The following UBE4B variants were observed in gnomAD, a reference collection of about 807,000 sequenced individuals.
UBE4B encodes the protein ubiquitination factor E4B, also known as ubiquitin conjugation factor E4 B.
A neutral mutation model predicts 148.1 loss-of-function variants in UBE4B; 27 were observed. That is an observed-to-expected ratio of 0.18 (90% confidence interval 0.13 to 0.25). UBE4B has a LOEUF of 0.25. UBE4B is among the 10% of genes least tolerant of loss of function. The pLI is 1.00. For missense variants in UBE4B, 1,170 were observed against 1,662.4 expected (o/e 0.70, Z 5.15); for synonymous variants, 596 against 619.3 (o/e 0.96, Z 0.56).
chr1:10,175,769 A>G (rs532731016), intron 25 of UBE4B, among the ~76,000 whole-genome samples: 1 of 152,356 alleles, frequency 6.6e-6, no homozygotes, highest in South Asian at 2.1e-4. Context: ...CTAACCTACC[A>G]GAATATGAGT....
intron 16 of UBE4B, among the ~76,000 whole-genome samples, chr1:10,135,940 A>C (rs887535750): frequency 3.3e-5 from 5 of 152,028 alleles, no homozygotes; most frequent in Admixed American, 6.6e-5. Context: ...CAATAATTCT[A>C]CTTTTCAGGT....
intron 9 of UBE4B, among the ~76,000 whole-genome samples, chr1:10,120,472 T>G (rs1645392078): frequency 1.3e-5 from 2 of 150,274 alleles, no homozygotes; most frequent in African/African-American, 4.9e-5. Context: ...GCAGCCGAGA[T>G]CGTGCCACTG....
intron 1 of UBE4B, among the ~76,000 whole-genome samples, chr1:10,046,244 C>CG (rs990368880): frequency 1.3e-5 from 2 of 152,160 alleles, no homozygotes; most frequent in African/African-American, 2.4e-5. Context: ...TTTTCTTGGG[C>CG]AGCCATGTGT....
chr1:10,180,048 G>A lies in UBE4B; in HGVS notation c.*92G>A. The stretch of plus-strand genomic sequence containing the variant: ...GCAGCGAAGCTGCCGTTCATGTGTT[G>A]GAGGCCAAATGTGGCAAACCAACCC... On this transcript the variant is annotated 3_prime_UTR_variant, in exon 28 of 28. Coordinates refer to ENST00000343090, the MANE Select transcript of UBE4B (RefSeq NM_001105562.3). 1 of 1,567,556 alleles carries A rather than the reference G, an allele frequency of 6.4e-7. No homozygotes were observed. The highest frequency in any genetic ancestry group is 8.7e-7 in the Non-Finnish European group (1 of 1,146,860).
rs749349715 is a variant in UBE4B, at chr1:10,121,991, C to T, written c.1469C>T (p.Pro490Leu). 3.1e-6 allele frequency: 5 copies of T among 1,613,274 alleles called. No homozygotes were observed. The South Asian group carries it at 3.3e-5, about 11-fold the overall frequency. Residue 490 changes from proline (P) to leucine (L), a missense_variant, in exon 10 of 28, where the codon CCG becomes CTG. By Grantham distance (98) the Pro-to-Leu change is moderately conservative. Around this residue, in one of 6 missense-constraint regions of UBE4B, gnomAD observed 388 missense variants for 536.0 expected, o/e 0.72. Coordinates refer to ENST00000343090, the MANE Select transcript of UBE4B (RefSeq NM_001105562.3). ...TTGCAGCAGCCGTCCTTCCTAGTGC[C>T]GTATATGCTGTGTAGGAATCTCCCA... ...RSLQQPSFLV[P>L]YMLCRNLPYG...
At chr1:10,047,743 C>T (rs554456637) in intron 1 of UBE4B, among the ~76,000 whole-genome samples, 186 of 152,230 alleles carry the variant, frequency 1.2e-3, no homozygotes, top group Admixed American at 2.6e-3. Flanking sequence ...CCACCCGCCT[C>T]GGCCTCCCAG....
At chr1:10,072,776 T>C in intron 2 of UBE4B, 5 of 303,126 alleles carry the variant, frequency 1.6e-5, no homozygotes, top group Non-Finnish European at 3.0e-5. Context: ...ATATTTCTCA[T>C]ACTGTGTATT....
chr1:10,146,880 C>T (rs1041262675), intron 18 of UBE4B, 83 bp from the exon 19 acceptor site: 5 of 1,540,960 alleles, frequency 3.2e-6, no homozygotes, highest in Non-Finnish European at 4.4e-6. Flanking sequence ...TTTCCCATCT[C>T]CTGGCCCCAG....
At chr1:10,112,088 G>A (rs1049629379) in intron 7 of UBE4B, among the ~76,000 whole-genome samples, 1 of 152,180 alleles carries the variant, frequency 6.6e-6, no homozygotes, top group Admixed American at 6.5e-5. Context: ...ATTTAAAATG[G>A]GATTCAGTCT....
In UBE4B at chr1:10,145,138, TTTC is replaced by T. The variant is rs1264452881; in HGVS notation, c.2463+102_2463+104del. 8.1e-6 allele frequency: 7 copies of T among 861,048 alleles called. No individual in the cohort carries two copies. The African/African-American group carries it at 1.2e-4, about 15-fold the overall frequency. 53.3% of individuals were successfully genotyped at this position (861,048 alleles called of 1,614,324 possible). On this transcript the variant is annotated intron_variant, in intron 18 of 27. Transcript: ENST00000343090. ...AGTGAGCAGTTTAGTGTCCTCACTT[TTTC>T]TTTGTTATTCTTTTCCCTTCCAATA...
At chr1:10,098,701 C>T (rs1345336381) in intron 3 of UBE4B, among the ~76,000 whole-genome samples, 1 of 152,148 alleles carries the variant, frequency 6.6e-6, no homozygotes, top group African/African-American at 2.4e-5. Context: ...CAGTGTTAAG[C>T]CTCTTAAGAT....
chr1:10,072,689 A>C, intron 2 of UBE4B: 4 of 510,780 alleles, frequency 7.8e-6, no homozygotes, highest in Non-Finnish European at 1.4e-5. Context: ...GAACTATCTC[A>C]TTAAAAAGTA....
At chr1:10,178,919 G>A in intron 26 of UBE4B, 101 bp downstream of exon 26, 1 of 1,254,700 alleles carries the variant, frequency 8.0e-7, no homozygotes, top group Non-Finnish European at 1.1e-6. Context: ...TTAATGGTGT[G>A]CTAGAGCTGC....
rs866108223 is a variant in UBE4B, at chr1:10,158,456, C to T, written c.3027C>T (p.His1009=). 1.2e-6 allele frequency: 2 copies of T among 1,614,146 alleles called. No homozygotes were observed. The highest frequency in any genetic ancestry group is 3.3e-5 in the Admixed American group (2 of 60,012). The change falls in exon 22 of 28, where the codon CAC becomes CAT. Residue 1009 remains histidine (H), a synonymous_variant. Transcript: ENST00000343090. ...IFKSLWQNIA[H]HGTFMEEFNS... is the part of the protein sequence containing the mutation. ...AAAGCCTTTGGCAAAACATAGCTCA[C>T]CATGGCACCTTTATGGAGGAGTTCA...
intron 7 of UBE4B, among the ~76,000 whole-genome samples, chr1:10,111,044 G>GACACACACACACACACACACACACAC (rs55936075): frequency 3.5e-5 from 4 of 113,444 alleles, no homozygotes; most frequent in East Asian, 2.5e-4. Context: ...CTCTGTCTCT[G>GACACACACACACACACACACACACAC]ACACACACAC....
rs550901625 is a variant in UBE4B at position 10,167,385 on chromosome 1, G to A, written c.3199-751G>A. ...ACCTGGGAGGCGGAGGTTCCGGTGA[G>A]CCGAGATCGCGCCATTGCACTCCAG... On this transcript the variant is annotated intron_variant, in intron 23 of 27. Coordinates refer to ENST00000343090, the MANE Select transcript of UBE4B (RefSeq NM_001105562.3). 2.0e-5 allele frequency among the ~76,000 whole-genome samples: 3 copies of A among 151,588 alleles called. No individual in the cohort carries two copies. The South Asian group carries it at 6.3e-4, about 32-fold the overall frequency.
intron 17 of UBE4B, among the ~76,000 whole-genome samples, chr1:10,142,410 C>T (rs1441714364): frequency 1.3e-5 from 2 of 152,174 alleles, no homozygotes; most frequent in East Asian, 1.9e-4. Flanking sequence ...CAGTGGCTCA[C>T]GCCTGTAATC....
intron 4 of UBE4B, among the ~76,000 whole-genome samples, chr1:10,102,493 C>G (rs1425851560): frequency 1.4e-5 from 2 of 141,366 alleles, no homozygotes; most frequent in African/African-American, 5.2e-5. Context: ...TCACCACAAC[C>G]TCCGCCTCCT....
intron 25 of UBE4B, among the ~76,000 whole-genome samples, chr1:10,172,034 G>T (rs555790085): frequency 3.7e-4 from 56 of 152,246 alleles, no homozygotes; most frequent in Non-Finnish European, 6.2e-4. Flanking sequence ...GTTTCTCAAG[G>T]GATCAGAATC....
Sources: allele counts gnomAD v4.1 joint callset (sites outside exome capture counted in the v4.1 genomes callset), GRCh38; gene constraint gnomAD v4.1.1; regional missense constraint gnomAD v4.1.1; transcripts MANE v1.5; gene names NCBI Gene and HGNC (gene_info 2026-07-23, HGNC 2026-07-21).